ZNF423: variants seen among roughly 807,000 people sequenced by gnomAD.
ZNF423 encodes the protein Ebf-associated zinc finger protein.
ZNF423 carries 12 observed loss-of-function variants against 95.8 expected under a neutral mutation model. The ratio of observed to expected loss-of-function variants is 0.13; its 90% CI spans 0.08 to 0.20. The LOEUF is 0.20. ZNF423 is among the 10% of genes least tolerant of loss of function. The pLI, the probability that ZNF423 is intolerant of heterozygous loss-of-function variation, is 1.00. For missense variants in ZNF423, 1,316 were observed against 1,737.1 expected (o/e 0.76, Z 4.31); for synonymous variants, 749 against 711.9 (o/e 1.05, Z -0.83).
At chr16:49,701,055 A>G (rs2032163994) in intron 3 of ZNF423, among the ~76,000 whole-genome samples, 1 of 152,236 alleles carries the variant, frequency 6.6e-6, no homozygotes, top group Non-Finnish European at 1.5e-5. Context: ...AGATTGTAAT[A>G]GAAATAGAGA....
At chr16:49,742,638 C>T (rs1487675602) in intron 2 of ZNF423, among the ~76,000 whole-genome samples, 2 of 151,704 alleles carry the variant, frequency 1.3e-5, no homozygotes, top group African/African-American at 4.8e-5. Flanking sequence ...GCAGGGCCGG[C>T]GGTGGGCAGG....
At chr16:49,545,151 G>A (rs1444088029) in intron 5 of ZNF423, among the ~76,000 whole-genome samples, 1 of 152,234 alleles carries the variant, frequency 6.6e-6, no homozygotes, top group Non-Finnish European at 1.5e-5. Flanking sequence ...GGCCTCTACG[G>A]AACACTTTAT....
chr16:49,835,874 C>A (rs1291317585), intron 1 of ZNF423, among the ~76,000 whole-genome samples: 2 of 152,160 alleles, frequency 1.3e-5, no homozygotes, highest in South Asian at 2.1e-4. Flanking sequence ...GGGGCACACA[C>A]CCACAGGTTC....
intron 3 of ZNF423, among the ~76,000 whole-genome samples, chr16:49,699,206 G>A (rs1192263147): frequency 1.3e-5 from 2 of 152,222 alleles, no homozygotes; most frequent in Non-Finnish European, 2.9e-5. Context: ...ACGTCAGGGG[G>A]TAATTGGGTG....
At chr16:49,695,624 G>C (rs1465919385) in intron 3 of ZNF423, among the ~76,000 whole-genome samples, 1 of 151,578 alleles carries the variant, frequency 6.6e-6, no homozygotes, top group African/African-American at 2.4e-5. Flanking sequence ...GCGGAGTTTC[G>C]CCATGTTGGC....
At chr16:49,651,404 C>G (rs754326932) in intron 3 of ZNF423, among the ~76,000 whole-genome samples, 6 of 152,116 alleles carry the variant, frequency 3.9e-5, no homozygotes, top group Non-Finnish European at 7.4e-5. Context: ...TGGAGCTCAG[C>G]TGGGGCTTCT....
At chr16:49,640,346 CCACA>C (rs147311180) in intron 3 of ZNF423, among the ~76,000 whole-genome samples, 3,909 of 152,218 alleles carry the variant, frequency 0.026, 89 homozygotes, top group Non-Finnish European at 0.044. Flanking sequence ...ACCATCACTC[CCACA>C]CACTCACACT....
intron 5 of ZNF423, among the ~76,000 whole-genome samples, chr16:49,532,301 A>G (rs538200895): frequency 3.0e-3 from 451 of 152,228 alleles, no homozygotes; most frequent in Middle Eastern, 0.01. Flanking sequence ...CCCCAGTGCC[A>G]GGGGCTCTCC....
At chr16:49,789,455 T>C (rs2034374191) in intron 2 of ZNF423, 32 bp downstream of exon 2, 4 of 1,605,762 alleles carry the variant, frequency 2.5e-6, no homozygotes, top group Non-Finnish European at 3.4e-6. Flanking sequence ...CAGGACCCCC[T>C]GCAACTCTTC....
chr16:49,762,865 C>T (rs1207464864), intron 2 of ZNF423, among the ~76,000 whole-genome samples: 1 of 152,178 alleles, frequency 6.6e-6, no homozygotes, highest in Non-Finnish European at 1.5e-5. Flanking sequence ...AGTAAAAAGC[C>T]CACAACCTCC....
chr16:49,547,903 C>T (rs574438845), intron 5 of ZNF423, among the ~76,000 whole-genome samples: 93 of 152,318 alleles, frequency 6.1e-4, no homozygotes, highest in African/African-American at 2.1e-3. Flanking sequence ...GAGGTTACAA[C>T]GAGGACCATC....
chr16:49,776,364 C>T (rs2034119713), intron 2 of ZNF423, among the ~76,000 whole-genome samples: 2 of 152,220 alleles, frequency 1.3e-5, no homozygotes, highest in African/African-American at 4.8e-5. Flanking sequence ...TCCAAGCTGG[C>T]CAGGAGCCCC....
intron 5 of ZNF423, among the ~76,000 whole-genome samples, chr16:49,619,641 T>C (rs1485241328): frequency 6.6e-6 from 1 of 152,158 alleles, no homozygotes; most frequent in African/African-American, 2.4e-5. Context: ...AGGCTTGTTA[T>C]TCTGACAGAA....
intron 3 of ZNF423, among the ~76,000 whole-genome samples, chr16:49,653,311 CAAAAAAAAAA>C (rs5816652): frequency 1.0e-5 from 1 of 99,200 alleles, no homozygotes; most frequent in East Asian, 2.9e-4. Context: ...CAAGAACCAC[CAAAAAAAAAA>C]AAAAAAAAAA....
chr16:49,525,512 G>T lies in ZNF423; in HGVS notation c.3602-18C>A, dbSNP rs1339706472. Reference sequence around the variant, plus strand: ...GCCTTCCTCTGCAAGGAAAACCCGTGACCAGTCAGTGACCAGCATGCCATG... The same window carrying T: ...GCCTTCCTCTGCAAGGAAAACCCGTTACCAGTCAGTGACCAGCATGCCATG... On this transcript the variant is annotated intron_variant, in intron 5 of 7. Coordinates refer to ENST00000563137, the MANE Select transcript of ZNF423 (RefSeq NM_001379286.1). 1.2e-6 allele frequency: 2 copies of T among 1,613,618 alleles called. No homozygotes were observed. Among genetic ancestry groups the T allele is most frequent in the African/African-American group, 1.3e-5 (1 of 74,868 alleles).
chr16:49,697,066 G>T lies in ZNF423; in HGVS notation c.301+33705C>A, dbSNP rs1596873599. 2.0e-5 allele frequency among the ~76,000 whole-genome samples: 3 copies of T among 152,322 alleles called. No homozygotes were observed. In the Middle Eastern group the frequency reaches 0.01, roughly 518 times the overall value. On this transcript the variant is annotated intron_variant, in intron 3 of 7. Transcript: ENST00000563137. ...TGGGGGAGGAGGCTGGCTGGTGACG[G>T]GCTGGCCCACACCTTTCTTCGACCT...
intron 2 of ZNF423, among the ~76,000 whole-genome samples, chr16:49,768,243 G>A (rs2033965570): frequency 6.6e-6 from 1 of 152,188 alleles, no homozygotes; most frequent in Admixed American, 6.5e-5. Flanking sequence ...CCGGGAACGG[G>A]GGCGCGGCGC....
chr16:49,735,734 C>T (rs1332216337), intron 2 of ZNF423, among the ~76,000 whole-genome samples: 1 of 152,120 alleles, frequency 6.6e-6, no homozygotes, highest in Non-Finnish European at 1.5e-5. Context: ...CACATAGGGG[C>T]TCCAGTCAAC....
intron 5 of ZNF423, among the ~76,000 whole-genome samples, chr16:49,618,453 G>T (rs1596724543): frequency 6.6e-6 from 1 of 152,080 alleles, no homozygotes; most frequent in Admixed American, 6.5e-5. Context: ...TCATGGAGGT[G>T]GTTTCCCCAA....
Sources: allele counts gnomAD v4.1 joint callset (sites outside exome capture counted in the v4.1 genomes callset), GRCh38; gene constraint gnomAD v4.1.1; transcripts MANE v1.5; gene names NCBI Gene and HGNC (gene_info 2026-07-23, HGNC 2026-07-21).